Variants in TMEM63A observed in about 807,000 individuals in gnomAD.
TMEM63A encodes the protein transmembrane protein 63A.
TMEM63A carries 76 observed loss-of-function variants against 100.6 expected under a neutral mutation model. The ratio of observed to expected loss-of-function variants is 0.76; its 90% CI spans 0.63 to 0.91. TMEM63A has a LOEUF of 0.91. TMEM63A is among the 40% of genes least tolerant of loss of function. The pLI, the probability that TMEM63A is intolerant of heterozygous loss-of-function variation, is 0.00. For missense variants in TMEM63A, 876 were observed against 1,008.8 expected, an observed-to-expected ratio of 0.87 and a Z score of 1.78; for synonymous variants, 401 against 401.1, an observed-to-expected ratio of 1.00 and a Z score of 0.00.
intron 15 of TMEM63A, 122 bp downstream of exon 15, chr1:225,859,074 C>G (rs1472474315): frequency 5.7e-6 from 8 of 1,404,078 alleles, no homozygotes; most frequent in Middle Eastern, 2.4e-4. Context: ...GTGAGCTGAG[C>G]AACATGACCC....
Position 225,874,336 on chromosome 1 carries a change from C to T in TMEM63A, c.218G>A (p.Arg73Lys). ...AATGCGGCCATAGTCCCAGAATCTT[C>T]TTCTTATAATAGAAAACACCAAGAT... is the stretch of plus-strand genomic sequence containing the variant. ...FLILVFSIIR[R>K]RFWDYGRIAL... Residue 73 changes from arginine to lysine, a missense_variant, in exon 4 of 25, where the codon AGA becomes AAA. Coordinates refer to ENST00000366835, the MANE Select transcript of TMEM63A (RefSeq NM_014698.3). 6.2e-7 allele frequency: 1 copy of T among 1,614,018 alleles called. No individual in the cohort carries two copies. Among genetic ancestry groups the T allele is most frequent in the Non-Finnish European group, 8.5e-7 (1 of 1,180,002 alleles).
chr1:225,871,127 G>T lies in TMEM63A; in HGVS notation c.334-14C>A. 6.2e-7 allele frequency: 1 copy of T among 1,613,248 alleles called. No individual in the cohort carries two copies. Among genetic ancestry groups the T allele is most frequent in the South Asian group, 1.1e-5 (1 of 91,002 alleles). ...GGGACAGCATCCCTGGAAACGGAGA[G>T]AACAGGGATTAGCTTCCAACATTTG... On this transcript the variant is annotated splice_polypyrimidine_tract_variant and intron_variant, in intron 5 of 24. Transcript: ENST00000366835.
At position 225,850,155 on chromosome 1, in the gene TMEM63A, G is replaced by A. The variant is rs148687034; in HGVS notation, c.1904-76C>T. 1.3e-4 allele frequency: 204 copies of A among 1,548,062 alleles called. No homozygotes were observed. The African/African-American group carries it at 2.1e-3, about 16-fold the overall frequency. Reference sequence around the variant, plus strand: ...CCTCTGTCCTCTTCCTCTCCGGGGCGGCTATTTTGGCAAGGAGCCAGGGCT... The same window carrying A: ...CCTCTGTCCTCTTCCTCTCCGGGGCAGCTATTTTGGCAAGGAGCCAGGGCT... On this transcript the variant is annotated intron_variant, in intron 20 of 24. Coordinates refer to ENST00000366835, the MANE Select transcript of TMEM63A (RefSeq NM_014698.3).
chr1:225,852,674 G>A lies in TMEM63A; in HGVS notation c.1893C>T (p.Ile631=), dbSNP rs189143578. ...TCCAGGGCCACTCACCAAATGGCGC[G>A]ATGATGGGACAAGTGATGCTGTAGG... ...IVAYSITCPI[I]APFGLIYILL... is the part of the protein sequence containing the mutation. The change falls in exon 20 of 25, where the codon ATC becomes ATT. Residue 631 remains isoleucine (I), a synonymous_variant. Transcript: ENST00000366835. 1.5e-5 allele frequency: 24 copies of A among 1,612,996 alleles called. No individual in the cohort carries two copies. The highest frequency in any genetic ancestry group is 1.0e-4 in the Admixed American group (6 of 60,030).
At chr1:225,851,890 A>G (rs1669358283) in intron 20 of TMEM63A, among the ~76,000 whole-genome samples, 1 of 152,228 alleles carries the variant, frequency 6.6e-6, no homozygotes, top group Non-Finnish European at 1.5e-5. Flanking sequence ...CTTGGTCTTT[A>G]AACAGTCCTG....
intron 23 of TMEM63A, among the ~76,000 whole-genome samples, chr1:225,847,830 C>G (rs990555043): frequency 2.0e-5 from 3 of 152,198 alleles, no homozygotes; most frequent in Non-Finnish European, 2.9e-5. Context: ...ATAAGAGAGC[C>G]TGACACCTGG....
At chr1:225,844,111 A>C (rs1668683711), downstream of TMEM63A, among the ~76,000 whole-genome samples, 1 of 152,194 alleles carries the variant, frequency 6.6e-6, no homozygotes, top group Non-Finnish European at 1.5e-5. Flanking sequence ...AGAGGAAAAC[A>C]TGAATTAAAA....
Position 225,865,970 on chromosome 1 carries a change from G to T in TMEM63A, c.676-3C>A, listed in dbSNP as rs749604990. 4 of 1,613,792 alleles carry T rather than the reference G, an allele frequency of 2.5e-6. No individual in the cohort carries two copies. Among genetic ancestry groups the T allele is most frequent in the Non-Finnish European group, 3.4e-6 (4 of 1,179,824 alleles). On this transcript the variant is annotated splice_region_variant and splice_polypyrimidine_tract_variant and intron_variant, in intron 9 of 24. Transcript: ENST00000366835. The surrounding 1 kb of genome is among the most constrained non-coding windows in gnomAD (Gnocchi z 4.6). ...GTGATGAACAGGGTCCGCCTCACCT[G>T]TCCGGGAAATACAGCAGGGAGAGAA...
intron 23 of TMEM63A, chr1:225,848,169 T>C: frequency 2.9e-6 from 1 of 348,732 alleles, no homozygotes; most frequent in Admixed American, 4.7e-5. Context: ...TGTCAAACCC[T>C]AGCGCCTTAC....
Position 225,846,908 on chromosome 1 carries a change from T to C in TMEM63A, c.*31A>G. Reference sequence around the variant, plus strand: ...GGGCCTGAGCCCCAGGCCATTCTGGTTGTGTCTTTTCAGAGCAGTGAGACC... The same window carrying C: ...GGGCCTGAGCCCCAGGCCATTCTGGCTGTGTCTTTTCAGAGCAGTGAGACC... On this transcript the variant is annotated 3_prime_UTR_variant, in exon 25 of 25. Coordinates refer to ENST00000366835, the MANE Select transcript of TMEM63A (RefSeq NM_014698.3). 1 of 1,149,386 alleles carries C rather than the reference T, an allele frequency of 8.7e-7. No homozygotes were observed. Among genetic ancestry groups the C allele is most frequent in the Non-Finnish European group, 1.2e-6 (1 of 843,170 alleles). The allele number at this position is 1,149,386 out of a possible 1,614,324, so 71.2% of individuals were successfully genotyped here. A position where few individuals can be genotyped will look rare whatever the true frequency, so the allele number is the denominator to read the frequency against.
chr1:225,865,862 G>T lies in TMEM63A; in HGVS notation c.746+35C>A. On this transcript the variant is annotated intron_variant, in intron 10 of 24. Transcript: ENST00000366835. The surrounding 1 kb of genome is among the most constrained non-coding windows in gnomAD (Gnocchi z 4.6). The stretch of plus-strand genomic sequence containing the variant: ...TGGGGCTGTGTTGGTCCTACGTGGA[G>T]GGGGCTCAGCTCCCCTCCCACCCCA... The T allele has an allele frequency of 6.2e-7, 1 of 1,610,072 alleles. No homozygotes were observed. The highest frequency in any genetic ancestry group is 8.5e-7 in the Non-Finnish European group (1 of 1,177,594).
At chr1:225,871,863 G>A (rs973993917) in intron 5 of TMEM63A, 124 bp downstream of exon 5, 28 of 702,738 alleles carry the variant, frequency 4.0e-5, no homozygotes, top group South Asian at 7.2e-5. Flanking sequence ...AGGTGCCTTC[G>A]TCGATGCAGA....
chr1:225,858,083 T>C (rs531190306), intron 15 of TMEM63A, among the ~76,000 whole-genome samples: 32 of 152,316 alleles, frequency 2.1e-4, no homozygotes, highest in African/African-American at 7.7e-4. Flanking sequence ...AGATAGGGAA[T>C]GGCAAAGTGA....
chr1:225,878,983 G>A (rs973077870), intron 2 of TMEM63A, among the ~76,000 whole-genome samples: 1 of 151,968 alleles, frequency 6.6e-6, no homozygotes, highest in South Asian at 2.1e-4. Flanking sequence ...CCCACAGACA[G>A]CCAAGTGACT....
chr1:225,859,166 T>C, intron 15 of TMEM63A, 30 bp downstream of exon 15: 1 of 1,613,810 alleles, frequency 6.2e-7, no homozygotes, highest in Non-Finnish European at 8.5e-7. Context: ...CCAGCTATCC[T>C]GGGAGGGGCC....
chr1:225,843,793 T>C (rs554686554), downstream of TMEM63A, among the ~76,000 whole-genome samples: 3 of 152,366 alleles, frequency 2.0e-5, no homozygotes, highest in South Asian at 2.1e-4. Context: ...CTTGGCCAAC[T>C]TGCAGAAATC....
intron 3 of TMEM63A, among the ~76,000 whole-genome samples, chr1:225,877,077 C>T (rs1559052926): frequency 6.6e-6 from 1 of 152,156 alleles, no homozygotes. Flanking sequence ...GATGACCCTT[C>T]CCAAGGGCCT....
chr1:225,878,920 ACACG>A (rs960475429), intron 2 of TMEM63A, among the ~76,000 whole-genome samples: 2 of 144,992 alleles, frequency 1.4e-5, no homozygotes, highest in Non-Finnish European at 3.0e-5. Context: ...ACACACACAC[ACACG>A]AAGCACAGGA....
In TMEM63A at chr1:225,862,024, A is replaced by T; in HGVS notation, c.1085+194T>A. On this transcript the variant is annotated intron_variant, in intron 13 of 24. Coordinates refer to ENST00000366835, the MANE Select transcript of TMEM63A (RefSeq NM_014698.3). This position sits in a 1 kb window ranked among gnomAD's most constrained non-coding sequence, Gnocchi z 5.1. The stretch of plus-strand genomic sequence containing the variant: ...CTCCGTGGCTGCTGCCCACACCCCC[A>T]CCGCCTGTTACACAAACATGGGCTG... 1 of 859,974 alleles carries T rather than the reference A, an allele frequency of 1.2e-6. No homozygotes were observed. The highest frequency in any genetic ancestry group is 1.7e-5 in the South Asian group (1 of 57,654). 53.3% of individuals were successfully genotyped at this position (859,974 alleles called of 1,614,324 possible).
Sources: allele counts gnomAD v4.1 joint callset (sites outside exome capture counted in the v4.1 genomes callset), GRCh38; gene constraint gnomAD v4.1.1; non-coding constraint Gnocchi (gnomAD v3.1); transcripts MANE v1.5; gene names NCBI Gene and HGNC (gene_info 2026-07-23, HGNC 2026-07-21).